SCML4: variants seen among roughly 807,000 people sequenced by gnomAD.
The protein encoded by SCML4 is sex comb on midleg-like protein 4.
A neutral mutation model predicts 41.1 loss-of-function variants in SCML4; 34 were observed. That is an observed-to-expected ratio of 0.83 (90% CI 0.63 to 1.10). The LOEUF (loss-of-function observed/expected upper bound fraction) is 1.10, where lower values mean the gene tolerates loss of function less well. Among genes scored for constraint, SCML4 ranks in the 50% least tolerant of loss-of-function variants. SCML4 has a pLI of 0.00. For missense variants in SCML4, 522 were observed against 534.1 expected, an observed-to-expected ratio of 0.98 and a Z score of 0.22; for synonymous variants, 214 against 220.9, an observed-to-expected ratio of 0.97 and a Z score of 0.28.
At chr6:107,825,466 T>TA (rs1159845101), upstream of SCML4, among the ~76,000 whole-genome samples, 1 of 152,236 alleles carries the variant, frequency 6.6e-6, no homozygotes. Flanking sequence ...TATGAAAATA[T>TA]AAAAAATTGT....
chr6:107,826,829 T>C (rs573619108), upstream of SCML4, among the ~76,000 whole-genome samples: 74 of 152,306 alleles, frequency 4.9e-4, 1 homozygote, highest in East Asian at 0.011. Context: ...TTTGGGAGGC[T>C]GAGGTGGGCA....
intron 3 of SCML4, 75 bp from the exon 4 acceptor site, chr6:107,746,964 G>C (rs1255403345): frequency 1.6e-6 from 2 of 1,285,774 alleles, no homozygotes; most frequent in Admixed American, 3.9e-5. Flanking sequence ...GTGTACACGG[G>C]GGATGCCTCA....
intron 1 of SCML4, among the ~76,000 whole-genome samples, chr6:107,779,752 G>C (rs537308043): frequency 3.3e-5 from 5 of 152,298 alleles, no homozygotes; most frequent in Non-Finnish European, 7.3e-5. Flanking sequence ...TCGTGTGTCT[G>C]CAAGCTGCTT....
intron 1 of SCML4, among the ~76,000 whole-genome samples, chr6:107,803,378 T>TG (rs749830221): frequency 6.2e-5 from 9 of 146,038 alleles, no homozygotes; most frequent in African/African-American, 2.1e-4. Flanking sequence ...GGGAGGGAGG[T>TG]GGGGGTCAGC....
intron 1 of SCML4, among the ~76,000 whole-genome samples, chr6:107,817,892 A>G (rs993501416): frequency 1.3e-5 from 2 of 152,114 alleles, no homozygotes; most frequent in African/African-American, 4.8e-5. Flanking sequence ...AAAGCAACAC[A>G]CGGTTGTACA....
chr6:107,746,967 A>C, intron 3 of SCML4, 78 bp from the exon 4 acceptor site: 1 of 1,250,980 alleles, frequency 8.0e-7, no homozygotes, highest in South Asian at 1.4e-5. Context: ...TACACGGGGG[A>C]TGCCTCAGCC....
At chr6:107,783,956 C>T (rs1404687258) in intron 1 of SCML4, among the ~76,000 whole-genome samples, 1 of 152,210 alleles carries the variant, frequency 6.6e-6, no homozygotes, top group Non-Finnish European at 1.5e-5. Flanking sequence ...TCGTTTCTGT[C>T]CTGCCACCTC....
chr6:107,751,717 C>A lies in SCML4; in HGVS notation c.157-1904G>T, dbSNP rs187759302. Reference sequence around the variant, plus strand: ...ATGGCACCATCTCAGCTCACTGCAACCTCCGCCTCCCAGGTTCAAATGATT... The same window carrying A: ...ATGGCACCATCTCAGCTCACTGCAAACTCCGCCTCCCAGGTTCAAATGATT... On this transcript the variant is annotated intron_variant, in intron 2 of 7. Transcript: ENST00000369020. Among the ~76,000 whole-genome samples, 5 of 151,564 alleles carry A rather than the reference C, an allele frequency of 3.3e-5. No individual in the cohort carries two copies. The East Asian group carries it at 9.7e-4, about 29-fold the overall frequency.
At chr6:107,755,371 C>A (rs748718199) in intron 2 of SCML4, among the ~76,000 whole-genome samples, 1 of 152,122 alleles carries the variant, frequency 6.6e-6, no homozygotes, top group African/African-American at 2.4e-5. Flanking sequence ...TAAAAAATCA[C>A]GAGTAGAAAT....
At chr6:107,706,307 G>C (rs991912035) in intron 7 of SCML4, among the ~76,000 whole-genome samples, 1 of 152,062 alleles carries the variant, frequency 6.6e-6, no homozygotes, top group Non-Finnish European at 1.5e-5. Context: ...TCCCACCCTG[G>C]AAGACAGCCA....
chr6:107,761,098 G>A (rs1038994464), intron 2 of SCML4, among the ~76,000 whole-genome samples: 1 of 152,056 alleles, frequency 6.6e-6, no homozygotes, highest in Non-Finnish European at 1.5e-5. Context: ...GAGGTTAAAA[G>A]AAATGGAGAA....
At chr6:107,841,173 G>T in the SCML4 span, among the ~76,000 whole-genome samples, 1 of 143,174 alleles carries the variant, frequency 7.0e-6, no homozygotes, top group Admixed American at 7.0e-5. Context: ...AAAAAAAAAT[G>T]AGCTAACTGG....
intron 1 of SCML4, among the ~76,000 whole-genome samples, chr6:107,772,994 C>T (rs1031360317): frequency 5.3e-5 from 8 of 152,096 alleles, no homozygotes; most frequent in Non-Finnish European, 2.9e-5. Context: ...AATTAAAATG[C>T]GTGCAACCCA....
intron 2 of SCML4, among the ~76,000 whole-genome samples, chr6:107,760,389 C>G (rs1179254580): frequency 6.6e-6 from 1 of 152,146 alleles, no homozygotes; most frequent in Non-Finnish European, 1.5e-5. Context: ...AAAGGCACTC[C>G]AGCTGTAGAC....
At chr6:107,750,254 T>G (rs1183727747) in intron 2 of SCML4, among the ~76,000 whole-genome samples, 2 of 152,146 alleles carry the variant, frequency 1.3e-5, no homozygotes, top group Non-Finnish European at 2.9e-5. Context: ...CAAAAATCAC[T>G]GGGTCCTGCC....
chr6:107,811,139 A>G (rs748224839), intron 1 of SCML4, among the ~76,000 whole-genome samples: 33 of 152,208 alleles, frequency 2.2e-4, no homozygotes, highest in African/African-American at 7.5e-4. Context: ...AACAAGAGCC[A>G]CTGGCACCTT....
chr6:107,786,113 A>T (rs573352424), intron 1 of SCML4, among the ~76,000 whole-genome samples: 2 of 152,336 alleles, frequency 1.3e-5, no homozygotes, highest in South Asian at 4.2e-4. Context: ...AGTCTAAGAA[A>T]GTCTTCTGGA....
chr6:107,718,421 T>G, intron 6 of SCML4: 1 of 153,280 alleles, frequency 6.5e-6, no homozygotes, highest in Non-Finnish European at 1.5e-5. Context: ...ATTAAGCGTC[T>G]TTCCTTTACA....
At chr6:107,766,958 T>C (rs1025176505) in intron 2 of SCML4, among the ~76,000 whole-genome samples, 1 of 151,564 alleles carries the variant, frequency 6.6e-6, no homozygotes, top group Non-Finnish European at 1.5e-5. Context: ...TATTTTTTTT[T>C]TTTTTTTTTT....
Sources: gnomAD v4.1 joint callset for allele counts (sites outside exome capture counted in the v4.1 genomes callset) on GRCh38, gnomAD v4.1.1 for gene constraint, MANE v1.5 for transcripts, NCBI Gene and HGNC (gene_info 2026-07-23, HGNC 2026-07-21) for gene names.